The following RMDN2 variants were observed in gnomAD, a reference collection of about 807,000 sequenced individuals.
RMDN2 encodes the protein regulator of microtubule dynamics protein 2.
Under a neutral mutation model 52.8 loss-of-function variants are expected in RMDN2, and 61 were observed. The ratio of observed to expected loss-of-function variants is 1.16; its 90% CI spans 0.94 to 1.43. The LOEUF (loss-of-function observed/expected upper bound fraction) is 1.43. Ranked by LOEUF, RMDN2 falls within the 40% of genes most tolerant of loss-of-function variation. The pLI is 0.00. For missense variants in RMDN2, 592 were observed against 475.3 expected (o/e 1.25, Z -2.28); for synonymous variants, 180 against 153.1 (o/e 1.18, Z -1.30).
chr2:37,967,422 C>G (rs1226637582), intron 2 of RMDN2, among the ~76,000 whole-genome samples: 2 of 152,122 alleles, frequency 1.3e-5, no homozygotes, highest in Non-Finnish European at 2.9e-5. Flanking sequence ...CCAGTCCAAT[C>G]CTGAAGACAA....
At chr2:37,944,785 G>A (rs1276654113) in intron 2 of RMDN2, among the ~76,000 whole-genome samples, 1 of 152,100 alleles carries the variant, frequency 6.6e-6, no homozygotes, top group East Asian at 1.9e-4. Context: ...TTAAGAAGGG[G>A]TATCAGGTCC....
intron 7 of RMDN2, among the ~76,000 whole-genome samples, chr2:37,995,748 A>C (rs1472525107): frequency 6.6e-6 from 1 of 152,242 alleles, no homozygotes; most frequent in African/African-American, 2.4e-5. Flanking sequence ...CTGTGAAACT[A>C]GTCTTAATAC....
chr2:37,988,584 G>GT (rs1432095840), intron 5 of RMDN2, among the ~76,000 whole-genome samples: 2 of 151,080 alleles, frequency 1.3e-5, no homozygotes, highest in Non-Finnish European at 3.0e-5. Flanking sequence ...ATTATTCACT[G>GT]TTTTTTTGTA....
At chr2:37,961,235 G>C (rs1670188583) in intron 2 of RMDN2, among the ~76,000 whole-genome samples, 1 of 152,082 alleles carries the variant, frequency 6.6e-6, no homozygotes, top group Non-Finnish European at 1.5e-5. Flanking sequence ...GTGTTGGCCT[G>C]TCTTGCTATG....
At chr2:38,052,584 A>T (rs1393725738) in intron 10 of RMDN2, among the ~76,000 whole-genome samples, 2 of 152,180 alleles carry the variant, frequency 1.3e-5, no homozygotes, top group African/African-American at 4.8e-5. Flanking sequence ...AGTCTTAGCC[A>T]TAAAATCTTT....
chr2:37,941,478 C>G (rs1406873352), intron 2 of RMDN2, among the ~76,000 whole-genome samples: 1 of 152,226 alleles, frequency 6.6e-6, no homozygotes, highest in Non-Finnish European at 1.5e-5. Context: ...TTTAAGTCTG[C>G]TGAAGCTGCG....
chr2:38,053,025 T>C (rs1681691003), intron 10 of RMDN2, among the ~76,000 whole-genome samples: 1 of 152,232 alleles, frequency 6.6e-6, no homozygotes, highest in Non-Finnish European at 1.5e-5. Flanking sequence ...GGCTCTGTTA[T>C]AGTTCAAGGT....
At chr2:38,017,121 T>C in intron 10 of RMDN2, 65 bp from the exon 11 acceptor site, 1 of 1,047,518 alleles carries the variant, frequency 9.5e-7, no homozygotes, top group East Asian at 2.7e-5. Flanking sequence ...TAAGTCTGTT[T>C]CAGCATGCTA....
intron 10 of RMDN2, among the ~76,000 whole-genome samples, chr2:38,024,669 T>G (rs1004551568): frequency 3.3e-5 from 5 of 152,186 alleles, no homozygotes; most frequent in African/African-American, 1.2e-4. Context: ...GCTTGAACTT[T>G]ATTTGTTATA....
At chr2:37,926,599 T>C (rs1329339899) in intron 1 of RMDN2, among the ~76,000 whole-genome samples, 1 of 139,214 alleles carries the variant, frequency 7.2e-6, no homozygotes, top group Admixed American at 6.9e-5. Context: ...TTAATTACTA[T>C]ATTTTTTTAT....
intron 10 of RMDN2, among the ~76,000 whole-genome samples, chr2:38,037,571 T>G (rs912053223): frequency 6.6e-6 from 1 of 152,214 alleles, no homozygotes; most frequent in Non-Finnish European, 1.5e-5. Context: ...CATAGCAAAC[T>G]GCCCCTAACA....
intron 2 of RMDN2, among the ~76,000 whole-genome samples, chr2:37,937,173 A>G (rs184243553): frequency 0.016 from 2,451 of 152,098 alleles, 61 homozygotes; most frequent in African/African-American, 0.056. Context: ...TCTTTTCCCT[A>G]TTGCTGTTTT....
At chr2:38,027,676 G>A (rs999789099) in intron 10 of RMDN2, among the ~76,000 whole-genome samples, 1 of 152,130 alleles carries the variant, frequency 6.6e-6, no homozygotes, top group African/African-American at 2.4e-5. Context: ...GTAACCTTGT[G>A]CTTTGACAAA....
chr2:38,000,989 T>G (rs1676244620), intron 8 of RMDN2, among the ~76,000 whole-genome samples: 2 of 152,168 alleles, frequency 1.3e-5, no homozygotes, highest in South Asian at 4.1e-4. Context: ...GATGGGTGTG[T>G]GTAGTAAATG....
At chr2:37,933,049 A>G (rs1300607565) in intron 2 of RMDN2, among the ~76,000 whole-genome samples, 5 of 149,204 alleles carry the variant, frequency 3.4e-5, no homozygotes, top group Non-Finnish European at 7.4e-5. Flanking sequence ...GGGACTCCTC[A>G]CTTCTCAGAT....
chr2:37,992,595 C>A (rs1674952740), intron 7 of RMDN2, among the ~76,000 whole-genome samples: 1 of 152,134 alleles, frequency 6.6e-6, no homozygotes, highest in African/African-American at 2.4e-5. Flanking sequence ...ACATTTTACA[C>A]TTCCTGGTAA....
chr2:38,038,801 TG>T (rs567245604), intron 10 of RMDN2, among the ~76,000 whole-genome samples: 6 of 152,262 alleles, frequency 3.9e-5, no homozygotes, highest in Non-Finnish European at 7.4e-5. Context: ...AGAGACACTT[TG>T]GGCTGGCCAG....
intron 4 of RMDN2, among the ~76,000 whole-genome samples, chr2:37,980,811 A>C (rs1308957351): frequency 6.7e-6 from 1 of 149,984 alleles, no homozygotes; most frequent in Non-Finnish European, 1.5e-5. Flanking sequence ...TTTTTCTTGC[A>C]TGTAACTTAC....
At chr2:37,928,236 C>T (rs1354167498) in intron 1 of RMDN2, among the ~76,000 whole-genome samples, 2 of 152,272 alleles carry the variant, frequency 1.3e-5, no homozygotes, top group East Asian at 3.9e-4. Flanking sequence ...AATCCAAAGA[C>T]GTTCTTATTT....
Sources: allele counts gnomAD v4.1 joint callset (sites outside exome capture counted in the v4.1 genomes callset), GRCh38; gene constraint gnomAD v4.1.1; transcripts MANE v1.5; gene names NCBI Gene and HGNC (gene_info 2026-07-23, HGNC 2026-07-21).